The following RANBP2 variants were observed in gnomAD, a reference collection of about 807,000 sequenced individuals.
The protein encoded by RANBP2 is RAN binding protein 2, also known as E3 SUMO-protein ligase RanBP2.
In RANBP2, 57 loss-of-function variants were observed where a neutral mutation model predicts 303.6. The observed-to-expected ratio is 0.19, with a 90% CI of 0.15 to 0.23. RANBP2 has a LOEUF of 0.23. Among genes scored for constraint, RANBP2 ranks in the 10% least tolerant of loss-of-function variants. The probability of loss-of-function intolerance (pLI) is 1.00; values close to 1 mark genes in which losing one functional copy is unlikely to be tolerated. For missense variants in RANBP2, 3,138 were observed against 3,780.8 expected, an observed-to-expected ratio of 0.83 and a Z score of 4.46; for synonymous variants, 1,167 against 1,301.5, an observed-to-expected ratio of 0.90 and a Z score of 2.23.
the RANBP2 span, among the ~76,000 whole-genome samples, chr2:109,516,548 C>T: frequency 2.0e-5 from 3 of 152,188 alleles, no homozygotes; most frequent in Non-Finnish European, 2.9e-5. Flanking sequence ...ACAGGCAAGG[C>T]GGCTGTGAGG....
At chr2:108,942,992 A>G in the RANBP2 span, among the ~76,000 whole-genome samples, 4 of 152,222 alleles carry the variant, frequency 2.6e-5, no homozygotes, top group African/African-American at 9.6e-5. Context: ...CCCGGCACAG[A>G]TGGCGTTTCA....
At chr2:109,739,516 T>C in the RANBP2 span, among the ~76,000 whole-genome samples, 1 of 152,228 alleles carries the variant, frequency 6.6e-6, no homozygotes. Flanking sequence ...TAATTTCTTT[T>C]TTCAAATTAT....
the RANBP2 span, among the ~76,000 whole-genome samples, chr2:109,213,707 C>G: frequency 6.6e-6 from 1 of 152,182 alleles, no homozygotes; most frequent in Non-Finnish European, 1.5e-5. Context: ...CGTGTCAGAG[C>G]CTGGCCTTTA....
At chr2:109,186,784 A>C in the RANBP2 span, among the ~76,000 whole-genome samples, 2 of 152,188 alleles carry the variant, frequency 1.3e-5, no homozygotes, top group African/African-American at 4.8e-5. Flanking sequence ...GCTCCAGTGA[A>C]TATCACTGCC....
the RANBP2 span, among the ~76,000 whole-genome samples, chr2:109,549,396 CA>C: frequency 6.6e-6 from 1 of 152,108 alleles, no homozygotes; most frequent in Non-Finnish European, 1.5e-5. Context: ...AGGAAAACTA[CA>C]AAGAGGGAAA....
the RANBP2 span, among the ~76,000 whole-genome samples, chr2:109,592,161 G>T: frequency 1.3e-5 from 2 of 151,860 alleles, no homozygotes; most frequent in Non-Finnish European, 2.9e-5. Context: ...ACATTCTGCA[G>T]TGTGCTCAAA....
the RANBP2 span, among the ~76,000 whole-genome samples, chr2:108,849,932 G>A: frequency 1.3e-5 from 2 of 152,196 alleles, no homozygotes; most frequent in African/African-American, 4.8e-5. Context: ...GCAGGCAGGT[G>A]GGGTGTGCCT....
At chr2:109,715,961 T>G in the RANBP2 span, among the ~76,000 whole-genome samples, 1 of 152,224 alleles carries the variant, frequency 6.6e-6, no homozygotes, top group African/African-American at 2.4e-5. Context: ...GGGCAAGTAG[T>G]GTAAACCAAA....
chr2:109,365,526 T>C, the RANBP2 span, among the ~76,000 whole-genome samples: 1 of 152,144 alleles, frequency 6.6e-6, no homozygotes, highest in Non-Finnish European at 1.5e-5. Context: ...TTTTTACTCA[T>C]TGTTAAGATG....
At chr2:109,123,824 C>T in the RANBP2 span, among the ~76,000 whole-genome samples, 2 of 152,074 alleles carry the variant, frequency 1.3e-5, no homozygotes, top group Non-Finnish European at 2.9e-5. Flanking sequence ...TTCATCCTGC[C>T]CTTCTAGAAT....
At chr2:109,647,451 C>A in the RANBP2 span, among the ~76,000 whole-genome samples, 1 of 151,758 alleles carries the variant, frequency 6.6e-6, no homozygotes. Context: ...CGTGAGCCAC[C>A]ACACCCGGCC....
At chr2:109,522,210 T>G in the RANBP2 span, among the ~76,000 whole-genome samples, 257 of 152,066 alleles carry the variant, frequency 1.7e-3, 1 homozygote, top group African/African-American at 6.1e-3. Flanking sequence ...GTGTCAATCC[T>G]AGCTGCACAT....
At chr2:109,178,978 A>G in the RANBP2 span, among the ~76,000 whole-genome samples, 1 of 150,410 alleles carries the variant, frequency 6.6e-6, no homozygotes, top group African/African-American at 2.5e-5. Context: ...TGGGGGAAAT[A>G]CTTTTTTTCT....
At chr2:108,963,291 A>G in the RANBP2 span, among the ~76,000 whole-genome samples, 1 of 152,192 alleles carries the variant, frequency 6.6e-6, no homozygotes, top group African/African-American at 2.4e-5. Context: ...ACACTGTTAA[A>G]CTGTTCATAG....
chr2:109,599,076 C>T, the RANBP2 span, among the ~76,000 whole-genome samples: 1 of 152,000 alleles, frequency 6.6e-6, no homozygotes, highest in African/African-American at 2.4e-5. Flanking sequence ...CTAAAATTTT[C>T]TTAAAACAAG....
chr2:109,420,436 G>T, the RANBP2 span, among the ~76,000 whole-genome samples: 1 of 151,910 alleles, frequency 6.6e-6, no homozygotes. Flanking sequence ...TGTTGTTGTT[G>T]TTTTTGTTTT....
chr2:109,031,414 C>T, the RANBP2 span, among the ~76,000 whole-genome samples: 2 of 152,148 alleles, frequency 1.3e-5, no homozygotes, highest in Non-Finnish European at 2.9e-5. Flanking sequence ...GCCCCGTTCC[C>T]CTTACGACGG....
the RANBP2 span, among the ~76,000 whole-genome samples, chr2:109,474,867 AAC>A: frequency 6.6e-6 from 1 of 152,256 alleles, no homozygotes; most frequent in Non-Finnish European, 1.5e-5. Context: ...ATAGTCCAGC[AAC>A]CCTCCAGAGC....
the RANBP2 span, among the ~76,000 whole-genome samples, chr2:109,362,431 T>C: frequency 5.3e-5 from 8 of 152,180 alleles, no homozygotes; most frequent in African/African-American, 1.2e-4. Context: ...AGAGTAGACA[T>C]TGTATGATTT....
Sources: allele counts gnomAD v4.1 joint callset (sites outside exome capture counted in the v4.1 genomes callset), GRCh38; gene constraint gnomAD v4.1.1; transcripts MANE v1.5; gene names NCBI Gene and HGNC (gene_info 2026-07-23, HGNC 2026-07-21).